TXNRD1: variants seen among roughly 807,000 people sequenced by gnomAD.
TXNRD1 encodes the protein thioredoxin reductase 1, cytoplasmic.
A neutral mutation model predicts 80.3 loss-of-function variants in TXNRD1; 57 were observed. The observed-to-expected ratio is 0.71, with a 90% CI of 0.57 to 0.89. TXNRD1 has a LOEUF of 0.89. Ranked by LOEUF, TXNRD1 falls within the 40% of genes least tolerant of loss-of-function variation. The pLI, the probability that TXNRD1 is intolerant of heterozygous loss-of-function variation, is 0.00. For missense variants in TXNRD1, 730 were observed against 803.0 expected (o/e 0.91, Z 1.10); for synonymous variants, 291 against 285.2 (o/e 1.02, Z -0.20).
intron 4 of TXNRD1, chr12:104,304,140 C>G: frequency 1.2e-6 from 2 of 1,614,068 alleles, no homozygotes; most frequent in African/African-American, 1.3e-5. Context: ...TTAACCGAGG[C>G]TCTGGAGGAA....
At chr12:104,335,624 CTG>C (rs1349674373) in intron 15 of TXNRD1, among the ~76,000 whole-genome samples, 7 of 152,128 alleles carry the variant, frequency 4.6e-5, no homozygotes, top group African/African-American at 1.4e-4. Flanking sequence ...AGTTTTTTGA[CTG>C]TGGGACACTG....
chr12:104,347,054 C>T (rs982950894), intron 16 of TXNRD1, among the ~76,000 whole-genome samples: 2 of 152,048 alleles, frequency 1.3e-5, no homozygotes, highest in Non-Finnish European at 2.9e-5. Context: ...AAGATTGTGC[C>T]GCTGCACTCC....
intron 16 of TXNRD1, among the ~76,000 whole-genome samples, chr12:104,345,675 A>G (rs1010392944): frequency 3.9e-5 from 6 of 152,276 alleles, no homozygotes; most frequent in African/African-American, 1.2e-4. Context: ...GAGAAAAACA[A>G]TAGTTCAAGA....
At chr12:104,333,226 C>T (rs1418436933) in intron 14 of TXNRD1, among the ~76,000 whole-genome samples, 2 of 151,920 alleles carry the variant, frequency 1.3e-5, no homozygotes, top group East Asian at 3.9e-4. Context: ...AGATAGATTT[C>T]CTGTGTGAGT....
chr12:104,236,602 C>A (rs1380178184), intron 1 of TXNRD1, among the ~76,000 whole-genome samples: 1 of 151,820 alleles, frequency 6.6e-6, no homozygotes, highest in Non-Finnish European at 1.5e-5. Flanking sequence ...CCAACCTGAC[C>A]AACATGGAGA....
chr12:104,306,899 C>T (rs1441747959), intron 4 of TXNRD1, among the ~76,000 whole-genome samples: 1 of 152,162 alleles, frequency 6.6e-6, no homozygotes. Context: ...GATCCCGCCC[C>T]AGTACTTTAC....
chr12:104,325,234 G>A (rs1012928345), intron 10 of TXNRD1, 103 bp from the exon 11 acceptor site: 4 of 844,900 alleles, frequency 4.7e-6, no homozygotes, highest in Admixed American at 4.4e-5. Context: ...TTTCAAGCAC[G>A]ATTTTATATT....
intron 16 of TXNRD1, among the ~76,000 whole-genome samples, chr12:104,340,796 C>T (rs1046239896): frequency 3.9e-5 from 6 of 152,114 alleles, no homozygotes; most frequent in African/African-American, 7.2e-5. Flanking sequence ...CTGGGGGTTA[C>T]GACTTGATCA....
At chr12:104,253,102 G>A (rs2033164995) in intron 2 of TXNRD1, among the ~76,000 whole-genome samples, 2 of 152,110 alleles carry the variant, frequency 1.3e-5, no homozygotes, top group Non-Finnish European at 2.9e-5. Flanking sequence ...TATTCTGGAA[G>A]CCTTACATAG....
intron 1 of TXNRD1, among the ~76,000 whole-genome samples, chr12:104,251,043 A>T (rs1456526467): frequency 6.6e-6 from 1 of 152,188 alleles, no homozygotes; most frequent in Non-Finnish European, 1.5e-5. Context: ...TTGCCTGAAG[A>T]TCCTGTGTCT....
At chr12:104,342,376 G>A (rs777191998) in intron 16 of TXNRD1, among the ~76,000 whole-genome samples, 3 of 152,116 alleles carry the variant, frequency 2.0e-5, no homozygotes, top group Admixed American at 6.6e-5. Flanking sequence ...AGTGTCACTC[G>A]GGAAATTCCA....
intron 1 of TXNRD1, among the ~76,000 whole-genome samples, chr12:104,227,849 T>C (rs1173227495): frequency 2.0e-5 from 3 of 152,248 alleles, no homozygotes; most frequent in African/African-American, 7.2e-5. Context: ...ATTTGTCATG[T>C]GTATCTATAG....
At chr12:104,315,616 T>TTA (rs1328065970) in intron 6 of TXNRD1, among the ~76,000 whole-genome samples, 161 bp from the exon 7 acceptor site, 3 of 152,222 alleles carry the variant, frequency 2.0e-5, no homozygotes, top group Admixed American at 1.3e-4. Context: ...GTCTCTGAAC[T>TTA]TATGGATGTT....
At chr12:104,295,049 G>A (rs1036390984) in intron 4 of TXNRD1, among the ~76,000 whole-genome samples, 3 of 152,180 alleles carry the variant, frequency 2.0e-5, no homozygotes. Context: ...TGAAGATGAG[G>A]GAAGTGACAG....
At chr12:104,325,659 G>A (rs1428636037) in intron 11 of TXNRD1, among the ~76,000 whole-genome samples, 1 of 152,192 alleles carries the variant, frequency 6.6e-6, no homozygotes, top group Middle Eastern at 3.2e-3. Context: ...AGATCACGAG[G>A]TCAAGGGATC....
At chr12:104,307,625 C>T (rs936461349) in intron 4 of TXNRD1, among the ~76,000 whole-genome samples, 2 of 152,170 alleles carry the variant, frequency 1.3e-5, no homozygotes, top group Non-Finnish European at 2.9e-5. Flanking sequence ...GCATCAGAGC[C>T]ATCTATAATG....
intron 3 of TXNRD1, among the ~76,000 whole-genome samples, chr12:104,264,566 A>C (rs1390687781): frequency 1.3e-5 from 2 of 152,222 alleles, no homozygotes; most frequent in Admixed American, 1.3e-4. Context: ...ACAAAAAATC[A>C]CATATAATTG....
intron 4 of TXNRD1, among the ~76,000 whole-genome samples, chr12:104,306,007 G>A (rs2034900253): frequency 6.6e-6 from 1 of 152,040 alleles, no homozygotes; most frequent in Non-Finnish European, 1.5e-5. Context: ...GGGTTCAGGC[G>A]ATTCTTGTGC....
At chr12:104,222,613 G>A (rs74427812) in intron 1 of TXNRD1, among the ~76,000 whole-genome samples, 1 of 152,190 alleles carries the variant, frequency 6.6e-6, no homozygotes, top group Admixed American at 6.5e-5. Flanking sequence ...AGCACTTTGG[G>A]AGACTGAGGC....
Sources: allele counts gnomAD v4.1 joint callset (sites outside exome capture counted in the v4.1 genomes callset), GRCh38; gene constraint gnomAD v4.1.1; transcripts MANE v1.5; gene names NCBI Gene and HGNC (gene_info 2026-07-23, HGNC 2026-07-21).